The following DHX37 variants were observed in gnomAD, a reference collection of about 807,000 sequenced individuals.
DHX37 encodes the protein DEAH-box helicase 37.
A neutral mutation model predicts 134.3 loss-of-function variants in DHX37; 52 were observed. That is an observed-to-expected ratio of 0.39 (90% CI 0.31 to 0.49). The LOEUF (loss-of-function observed/expected upper bound fraction) is 0.49. Ranked by LOEUF, DHX37 falls within the 20% of genes least tolerant of loss-of-function variation. DHX37 has a pLI of 0.93. For synonymous variants in DHX37, 634 were observed against 670.7 expected, an observed-to-expected ratio of 0.95 and a Z score of 0.85; for missense variants, 1,344 against 1,580.8, an observed-to-expected ratio of 0.85 and a Z score of 2.54.
In DHX37 at chr12:124,980,732, C is replaced by CCAG; in HGVS notation, c.495_496insCTG (p.Glu165_Glu166insLeu). On this transcript the variant is annotated inframe_insertion, in exon 4 of 27. Coordinates refer to ENST00000308736, the MANE Select transcript of DHX37 (RefSeq NM_032656.4). This position sits in a 1 kb window ranked among gnomAD's most constrained non-coding sequence, Gnocchi z 5.3. ...TCCAGCTCCGATTCCGACTCCTCCT[C>CCAG]CTCCTCCTCCTCCTCCTCAGCTGAG... 1 of 1,554,544 alleles carries CCAG rather than the reference C, an allele frequency of 6.4e-7. No homozygotes were observed. Among genetic ancestry groups the CCAG allele is most frequent in the Non-Finnish European group, 8.7e-7 (1 of 1,151,412 alleles).
intron 21 of DHX37, among the ~76,000 whole-genome samples, chr12:124,951,047 G>A (rs1026414722): frequency 6.6e-6 from 1 of 152,198 alleles, no homozygotes; most frequent in Non-Finnish European, 1.5e-5. Context: ...GAGGAGGGTG[G>A]ATCATCTGAG....
In DHX37 at chr12:124,966,809, T is replaced by A; in HGVS notation, c.1574A>T (p.Lys525Met). 6.2e-7 allele frequency: 1 copy of A among 1,614,254 alleles called. No individual in the cohort carries two copies. The highest frequency in any genetic ancestry group is 8.5e-7 in the Non-Finnish European group (1 of 1,180,036). Residue 525 changes from lysine to methionine, a missense_variant, in exon 12 of 27, where the codon AAG becomes ATG. Lys to Met is a moderately conservative substitution (Grantham distance 95). Transcript: ENST00000308736. ...RKFKKSRARA[K>M]KARAEVLPQI... ...CCCACGTACCTCAGCCCGCGCCTTC[T>A]TGGCCCTGGCCCTTGACTTCTTAAA...
At chr12:124,972,196 A>AGT (rs1389123983) in intron 7 of DHX37, among the ~76,000 whole-genome samples, 1 of 152,254 alleles carries the variant, frequency 6.6e-6, no homozygotes, top group Non-Finnish European at 1.5e-5. Context: ...GAACTCTGTG[A>AGT]GTCAGTCACA....
intron 13 of DHX37, 84 bp from the exon 14 acceptor site, chr12:124,965,090 C>G: frequency 1.4e-6 from 2 of 1,430,286 alleles, no homozygotes; most frequent in Non-Finnish European, 1.9e-6. Context: ...CCTGCACCCC[C>G]AGGCTGCTCC....
intron 8 of DHX37, among the ~76,000 whole-genome samples, chr12:124,969,680 G>A (rs535763697): frequency 1.3e-5 from 2 of 152,160 alleles, no homozygotes; most frequent in African/African-American, 4.8e-5. Context: ...AATGGAAAAC[G>A]ACAAGTGCTG....
intron 15 of DHX37, among the ~76,000 whole-genome samples, chr12:124,961,202 A>G (rs966084647): frequency 1.7e-5 from 2 of 116,980 alleles, no homozygotes; most frequent in African/African-American, 6.2e-5. Context: ...ACACACACAT[A>G]CACGTGTGCA....
At chr12:124,952,682 T>C in intron 20 of DHX37, 112 bp from the exon 21 acceptor site, 2 of 1,203,938 alleles carry the variant, frequency 1.7e-6, no homozygotes, top group South Asian at 2.5e-5. Context: ...AGCCACCTGC[T>C]TGTCTCAACC....
chr12:124,953,941 G>A lies in DHX37; in HGVS notation c.2634C>T (p.Asn878=), dbSNP rs753242847. 31 of 1,613,182 alleles carry A rather than the reference G, an allele frequency of 1.9e-5. No homozygotes were observed. The highest frequency in any genetic ancestry group is 2.2e-5 in the East Asian group (1 of 44,880). ...CCATCATGGCTTTGTACCGCAGCCC[G>A]TTGGCTTCGCAAAACTGGGGTGTGC... is the stretch of plus-strand genomic sequence containing the variant. ...ASCTPQFCEA[N]GLRYKAMMEI... is the part of the protein sequence containing the mutation. The change falls in exon 20 of 27, where the codon AAC becomes AAT. Residue 878 remains asparagine, a synonymous_variant. Coordinates refer to ENST00000308736, the MANE Select transcript of DHX37 (RefSeq NM_032656.4).
chr12:124,986,324 CCA>C, intron 1 of DHX37, 59 bp from the exon 2 acceptor site: 1 of 1,583,292 alleles, frequency 6.3e-7, no homozygotes, highest in Non-Finnish European at 8.6e-7. Flanking sequence ...GTCCCGCCTC[CCA>C]CAAGCCCCCT....
Position 124,980,401 on chromosome 12 carries a change from G to C in DHX37, c.738+89C>G. 2.1e-6 allele frequency: 3 copies of C among 1,397,106 alleles called. No individual in the cohort carries two copies. Among genetic ancestry groups the C allele is most frequent in the Non-Finnish European group, 2.9e-6 (3 of 1,034,330 alleles). 86.5% of individuals were successfully genotyped at this position (1,397,106 alleles called of 1,614,324 possible). ...TGGGGACATGGAGGCACAGAGAAGG[G>C]ATGCCCTTGCCCCACTTCACCAGGA... On this transcript the variant is annotated intron_variant, in intron 4 of 26. Transcript: ENST00000308736. This position sits in a 1 kb window ranked among gnomAD's most constrained non-coding sequence, Gnocchi z 5.3.
rs2135926424 is a variant in DHX37 at position 124,950,026 on chromosome 12, G to A, written c.3250C>T (p.Leu1084=). 6.2e-7 allele frequency: 1 copy of A among 1,613,300 alleles called. No homozygotes were observed. The highest frequency in any genetic ancestry group is 2.2e-5 in the East Asian group (1 of 44,836). The part of the protein sequence containing the change: ...FRKLASYRSC[L]LSSPGTMLKT... ...AGCATGGTGCCGGGGCTGGACAGCA[G>A]ACAGCTCCGGTATGAGGCCAGCTTG... The change falls in exon 25 of 27, where the codon CTG becomes TTG. Residue 1084 remains leucine (L), a synonymous_variant. Coordinates refer to ENST00000308736, the MANE Select transcript of DHX37 (RefSeq NM_032656.4).
intron 25 of DHX37, chr12:124,948,531 G>A (rs1953915361): frequency 3.1e-6 from 1 of 321,558 alleles, no homozygotes; most frequent in Non-Finnish European, 5.9e-6. Context: ...TGGATCACCT[G>A]AGGCCAGGAG....
intron 18 of DHX37, 148 bp from the exon 19 acceptor site, chr12:124,954,359 A>G: frequency 8.0e-7 from 1 of 1,248,228 alleles, no homozygotes; most frequent in Non-Finnish European, 1.1e-6. Context: ...TCCAGCTCAA[A>G]ATTCACCATT....
rs766391643 is a variant in DHX37 at position 124,968,980 on chromosome 12, C to T, written c.1192-12G>A. On this transcript the variant is annotated splice_polypyrimidine_tract_variant and intron_variant, in intron 8 of 26. Coordinates refer to ENST00000308736, the MANE Select transcript of DHX37 (RefSeq NM_032656.4). ...AGTGGCAGGTTCCTCTGCAAAAGGA[C>T]AGGCTCAGTGACCGTGGCCCCAGGA... The T allele has an allele frequency of 1.9e-6, 3 of 1,612,272 alleles. No homozygotes were observed. Among genetic ancestry groups the T allele is most frequent in the East Asian group, 2.2e-5 (1 of 44,766 alleles).
rs1953941672 is a variant in DHX37, at chr12:124,949,979, G to A, written c.3290+7C>T. 1 of 1,606,188 alleles carries A rather than the reference G, an allele frequency of 6.2e-7. No homozygotes were observed. ...GCCCACTGCGAGGCTCCCACCGAAGGCAGTACCTGGCCCACGTCTTCAGCA... is the reference window on the plus strand; with the variant it reads ...GCCCACTGCGAGGCTCCCACCGAAGACAGTACCTGGCCCACGTCTTCAGCA... On this transcript the variant is annotated splice_region_variant and intron_variant, in intron 25 of 26. Coordinates refer to ENST00000308736, the MANE Select transcript of DHX37 (RefSeq NM_032656.4). This position sits in a 1 kb window ranked among gnomAD's most constrained non-coding sequence, Gnocchi z 4.0.
At chr12:124,969,231 C>T (rs1954468424) in intron 8 of DHX37, among the ~76,000 whole-genome samples, 1 of 152,148 alleles carries the variant, frequency 6.6e-6, no homozygotes, top group Admixed American at 6.5e-5. Flanking sequence ...CTGGGGCCCA[C>T]CCAACCCAGC....
chr12:124,961,321 TACAC>T (rs545385177), intron 15 of DHX37, among the ~76,000 whole-genome samples: 78 of 136,596 alleles, frequency 5.7e-4, no homozygotes, highest in Admixed American at 1.2e-3. Context: ...CACACTTACA[TACAC>T]ACGTGCACGC....
In DHX37 at chr12:124,957,138, G is replaced by A. The variant is rs760723584; in HGVS notation, c.2158-3C>T. On this transcript the variant is annotated splice_region_variant and splice_polypyrimidine_tract_variant and intron_variant, in intron 16 of 26. Coordinates refer to ENST00000308736, the MANE Select transcript of DHX37 (RefSeq NM_032656.4). ...GTCGGGAAGGGGAAGTTGATGACCTGGGACACAAGGAGACGTGGCAGGGAC... is the reference window on the plus strand; with the variant it reads ...GTCGGGAAGGGGAAGTTGATGACCTAGGACACAAGGAGACGTGGCAGGGAC... 6.7e-7 allele frequency: 1 copy of A among 1,493,710 alleles called. No homozygotes were observed. Among genetic ancestry groups the A allele is most frequent in the Admixed American group, 2.5e-5 (1 of 40,544 alleles). 92.5% of individuals were successfully genotyped at this position (1,493,710 alleles called of 1,614,324 possible). A position where few individuals can be genotyped will look rare whatever the true frequency, so the allele number is the denominator to read the frequency against.
chr12:124,987,040 C>G (rs1954887066), intron 1 of DHX37, among the ~76,000 whole-genome samples: 1 of 152,168 alleles, frequency 6.6e-6, no homozygotes, highest in African/African-American at 2.4e-5. Context: ...AGCCACTGCA[C>G]CCAGCCTGAT....
Sources: allele counts gnomAD v4.1 joint callset (sites outside exome capture counted in the v4.1 genomes callset), GRCh38; gene constraint gnomAD v4.1.1; non-coding constraint Gnocchi (gnomAD v3.1); transcripts MANE v1.5; gene names NCBI Gene and HGNC (gene_info 2026-07-23, HGNC 2026-07-21).